The following RPTOR variants were observed in gnomAD, a reference collection of about 807,000 sequenced individuals.
RPTOR encodes the protein regulatory associated protein of MTOR complex 1.
Under a neutral mutation model 169.9 loss-of-function variants are expected in RPTOR, and 21 were observed. The ratio of observed to expected loss-of-function variants is 0.12; its 90% confidence interval spans 0.09 to 0.18. The LOEUF (loss-of-function observed/expected upper bound fraction) is 0.18, where lower values mean the gene tolerates loss of function less well. Ranked by LOEUF, RPTOR falls within the 10% of genes least tolerant of loss-of-function variation. RPTOR has a pLI of 1.00. For synonymous variants in RPTOR, 732 were observed against 753.2 expected, an observed-to-expected ratio of 0.97 and a Z score of 0.46; for missense variants, 1,133 against 1,855.9, an observed-to-expected ratio of 0.61 and a Z score of 7.16.
chr17:80,770,045 G>A (rs1013146211), intron 6 of RPTOR, among the ~76,000 whole-genome samples: 8 of 152,186 alleles, frequency 5.3e-5, no homozygotes, highest in Non-Finnish European at 7.4e-5. Flanking sequence ...TATTTCTCCC[G>A]GTTCTGGAGG....
At chr17:80,937,617 C>T (rs1337128773) in intron 24 of RPTOR, among the ~76,000 whole-genome samples, 2 of 152,232 alleles carry the variant, frequency 1.3e-5, no homozygotes, top group Non-Finnish European at 2.9e-5. Context: ...CACCCACAGC[C>T]TCCAGGAGCT....
chr17:80,823,639 TCTCACACACACA>T lies in RPTOR; in HGVS notation c.1136+418_1136+429del, dbSNP rs1423388211. The T allele has an allele frequency of 1.5e-5, 2 of 133,664 alleles. No individual in the cohort carries two copies. Among genetic ancestry groups the T allele is most frequent in the South Asian group, 1.5e-4 (1 of 6,562 alleles). 8.3% of individuals were successfully genotyped at this position (133,664 alleles called of 1,614,324 possible). On this transcript the variant is annotated intron_variant, in intron 9 of 33. Coordinates refer to ENST00000306801, the MANE Select transcript of RPTOR (RefSeq NM_020761.3). This position sits in a 1 kb window ranked among gnomAD's most constrained non-coding sequence, Gnocchi z 4.5. ...TGATCAATTAGTTTTTATGCTTATTTCTCACACACACACACACACACACACACACACACACAC... is the reference window on the plus strand; with the variant it reads ...TGATCAATTAGTTTTTATGCTTATTTCACACACACACACACACACACACAC...
chr17:80,771,951 C>CCACCA (rs2066848214), intron 6 of RPTOR, among the ~76,000 whole-genome samples: 1 of 152,318 alleles, frequency 6.6e-6, no homozygotes, highest in East Asian at 1.9e-4. Flanking sequence ...TCCCTGGTAA[C>CCACCA]TGGGTCTATA....
intron 24 of RPTOR, among the ~76,000 whole-genome samples, chr17:80,930,421 C>A: frequency 1.2e-5 from 1 of 80,148 alleles, no homozygotes; most frequent in African/African-American, 5.1e-5. Flanking sequence ...AGCTCATCCT[C>A]AGCTCATCCT....
At chr17:80,779,933 G>T (rs2066924304) in intron 6 of RPTOR, among the ~76,000 whole-genome samples, 2 of 152,130 alleles carry the variant, frequency 1.3e-5, no homozygotes, top group Admixed American at 1.3e-4. Context: ...AGTTTTTGCG[G>T]TGGCTTAAGG....
In RPTOR at chr17:80,742,026, GATGGACCGTTGT is replaced by G. The variant is rs1361165948; in HGVS notation, c.654+11323_654+11334del. 3.9e-5 allele frequency among the ~76,000 whole-genome samples: 6 copies of G among 152,170 alleles called. No homozygotes were observed. In the East Asian group the frequency reaches 9.6e-4, roughly 24 times the overall value. ...AGCGGCTCACACGAGGAGGACTGAG[GATGGACCGTTGT>G]ATTTGTGCACACGGGGCCATTGCTG... On this transcript the variant is annotated intron_variant, in intron 5 of 33. Coordinates refer to ENST00000306801, the MANE Select transcript of RPTOR (RefSeq NM_020761.3).
chr17:80,677,354 C>T (rs192819964), intron 3 of RPTOR, among the ~76,000 whole-genome samples: 6 of 152,200 alleles, frequency 3.9e-5, no homozygotes, highest in Non-Finnish European at 5.9e-5. Context: ...GGCACTTGCT[C>T]TCCACTCTGG....
chr17:80,551,048 C>T (rs1035487384), intron 1 of RPTOR, among the ~76,000 whole-genome samples: 12 of 152,118 alleles, frequency 7.9e-5, no homozygotes, highest in Admixed American at 2.6e-4. Flanking sequence ...ACACCATGCC[C>T]GGCTGATTTT....
chr17:80,584,103 C>CG (rs2065039768), intron 1 of RPTOR, among the ~76,000 whole-genome samples: 1 of 152,188 alleles, frequency 6.6e-6, no homozygotes, highest in Admixed American at 6.5e-5. Context: ...CCAGGCAGTG[C>CG]GGGCTGAGCC....
intron 3 of RPTOR, among the ~76,000 whole-genome samples, chr17:80,656,360 G>A (rs1452800595): frequency 1.3e-5 from 2 of 152,160 alleles, no homozygotes; most frequent in Admixed American, 6.5e-5. Context: ...GAGTCAACAC[G>A]CCCGGCCTCA....
At chr17:80,702,770 C>G (rs1567865844) in intron 3 of RPTOR, among the ~76,000 whole-genome samples, 1 of 152,176 alleles carries the variant, frequency 6.6e-6, no homozygotes, top group Non-Finnish European at 1.5e-5. Flanking sequence ...TTATTGGTGT[C>G]CCTGAATAAT....
intron 7 of RPTOR, among the ~76,000 whole-genome samples, chr17:80,813,900 G>A (rs1373385906): frequency 3.3e-5 from 5 of 152,316 alleles, no homozygotes; most frequent in South Asian, 2.1e-4. Flanking sequence ...TTGGGAGGCC[G>A]AGGCAGGTGG....
intron 28 of RPTOR, among the ~76,000 whole-genome samples, chr17:80,953,299 T>C (rs2069206033): frequency 6.6e-6 from 1 of 152,224 alleles, no homozygotes; most frequent in African/African-American, 2.4e-5. Context: ...TGAGACAGGT[T>C]CTTGCTGTCA....
chr17:80,856,735 C>A (rs2067856715), intron 12 of RPTOR, among the ~76,000 whole-genome samples: 1 of 152,184 alleles, frequency 6.6e-6, no homozygotes, highest in African/African-American at 2.4e-5. Context: ...TCTAAGAAGA[C>A]AGGAAGCATG....
At chr17:80,547,430 A>G (rs1358212535) in intron 1 of RPTOR, among the ~76,000 whole-genome samples, 2 of 152,188 alleles carry the variant, frequency 1.3e-5, no homozygotes, top group Non-Finnish European at 1.5e-5. Context: ...TATACGTTTG[A>G]CCTTTTAATT....
chr17:80,841,194 C>T (rs1178308665), intron 10 of RPTOR, among the ~76,000 whole-genome samples: 1 of 117,298 alleles, frequency 8.5e-6, no homozygotes, highest in East Asian at 2.8e-4. Context: ...TCACACTCAC[C>T]GCACGGCAGC....
In RPTOR at chr17:80,844,835, G is replaced by T. The variant is rs1226193367; in HGVS notation, c.1213-1638G>T. Among the ~76,000 whole-genome samples the T allele has an allele frequency of 6.6e-6, 1 of 152,226 alleles. No individual in the cohort carries two copies. The stretch of plus-strand genomic sequence containing the variant: ...GGAACCCGGGGCACAGCCGACCCCG[G>T]CCAGATGAGCGGAGGGAGGGTTCCT... On this transcript the variant is annotated intron_variant, in intron 10 of 33. Coordinates refer to ENST00000306801, the MANE Select transcript of RPTOR (RefSeq NM_020761.3). The surrounding 1 kb of genome is among the most constrained non-coding windows in gnomAD (Gnocchi z 4.7).
At chr17:80,884,983 C>G in intron 16 of RPTOR, 25 bp from the exon 17 acceptor site, 1 of 1,600,454 alleles carries the variant, frequency 6.2e-7, no homozygotes. Flanking sequence ...GTGGGACATG[C>G]CTGTGACCCC....
intron 33 of RPTOR, 53 bp from the exon 34 acceptor site, chr17:80,964,209 C>CCCCCCGGG: frequency 7.5e-7 from 1 of 1,325,554 alleles, no homozygotes; most frequent in Non-Finnish European, 1.1e-6. Context: ...CCCCGCCCCC[C>CCCCCCGGG]GCAGTGTCTG....
Sources: gnomAD v4.1 joint callset for allele counts (sites outside exome capture counted in the v4.1 genomes callset) on GRCh38, gnomAD v4.1.1 for gene constraint, Gnocchi (gnomAD v3.1) non-coding constraint, MANE v1.5 for transcripts, NCBI Gene and HGNC (gene_info 2026-07-23, HGNC 2026-07-21) for gene names.